Variants in UBN1 observed in about 807,000 individuals in gnomAD.
The protein encoded by UBN1 is ubinuclein 1.
A neutral mutation model predicts 108.5 loss-of-function variants in UBN1; 17 were observed. That is an observed-to-expected ratio of 0.16 (90% CI 0.11 to 0.24). The LOEUF is 0.24. Among genes scored for constraint, UBN1 ranks in the 10% least tolerant of loss-of-function variants. The pLI, the probability that UBN1 is intolerant of heterozygous loss-of-function variation, is 1.00. For synonymous variants in UBN1, 726 were observed against 564.2 expected (o/e 1.29, Z -4.07); for missense variants, 1,595 against 1,394.4 (o/e 1.14, Z -2.29).
chr16:4,874,879 T>A lies in UBN1; in HGVS notation c.2469T>A (p.Phe823Leu). 6.2e-7 allele frequency: 1 copy of A among 1,614,126 alleles called. No individual in the cohort carries two copies. Among genetic ancestry groups the A allele is most frequent in the Non-Finnish European group, 8.5e-7 (1 of 1,180,042 alleles). ...QQKNFTPPSP[F>L]ANKLQGPKAS... The stretch of plus-strand genomic sequence containing the variant: ...AAAACTTCACGCCCCCATCTCCATT[T>A]GCCAATAAGCTCCAAGGCCCAAAGG... Residue 823 changes from phenylalanine to leucine, a missense_variant, in exon 15 of 18, where the codon TTT becomes TTA. Transcript: ENST00000262376.
intron 12 of UBN1, 103 bp from the exon 13 acceptor site, chr16:4,872,781 A>G (rs1414475828): frequency 1.3e-5 from 18 of 1,371,506 alleles, no homozygotes; most frequent in Non-Finnish European, 1.5e-5. Flanking sequence ...TTGACATTTA[A>G]TGAGGGATAG....
chr16:4,881,774 G>T lies in UBN1; in HGVS notation c.*1642G>T, dbSNP rs185307085. On this transcript the variant is annotated 3_prime_UTR_variant, in exon 18 of 18. Transcript: ENST00000262376. ...ATATTTTTTGCAACTTGGATTTCCA[G>T]TTTGTTTACAGAGTAGTCTTAGGTA... The T allele has an allele frequency of 3.3e-3, 501 of 152,510 alleles. 6 individuals carry two copies. Among genetic ancestry groups the T allele is most frequent in the Non-Finnish European group, 4.2e-3 (283 of 68,014 alleles). The allele number at this position is 152,510 out of a possible 1,614,324, so 9.4% of individuals were successfully genotyped here.
At chr16:4,849,793 C>T (rs1371327019) in intron 1 of UBN1, among the ~76,000 whole-genome samples, 2 of 151,620 alleles carry the variant, frequency 1.3e-5, no homozygotes, top group African/African-American at 4.8e-5. Flanking sequence ...GATGAAGTCT[C>T]ATCATGTTGT....
Position 4,853,065 on chromosome 16 carries a change from A to G in UBN1, c.148A>G (p.Thr50Ala). The change falls in exon 2 of 18, where the codon ACC (threonine) becomes GCC (alanine). Residue 50 changes from threonine to alanine, a missense_variant. By Grantham distance (58) the Thr-to-Ala change is moderately conservative. Around this residue, in one of 3 missense-constraint regions of UBN1, gnomAD observed 181 missense variants for 157.3 expected, o/e 1.15. Transcript: ENST00000262376. ...TGCAGCAGCTGTTCGGATTACACTC[A>G]CCCTCTTTGAACCAGATCACAAACG... Reference protein sequence around the residue: ...PAAAAVRITLTLFEPDHKRCP... With the variant: ...PAAAAVRITLALFEPDHKRCP... 1 of 1,614,144 alleles carries G rather than the reference A, an allele frequency of 6.2e-7. No individual in the cohort carries two copies. The highest frequency in any genetic ancestry group is 8.5e-7 in the Non-Finnish European group (1 of 1,180,020).
intron 1 of UBN1, chr16:4,852,628 T>C: frequency 4.1e-6 from 1 of 245,184 alleles, no homozygotes; most frequent in East Asian, 9.6e-5. Context: ...TCAGCATGGG[T>C]TCTTTAAGGT....
At position 4,873,162 on chromosome 16, in the gene UBN1, T is replaced by C. The variant is rs2292202; in HGVS notation, c.1800+89T>C. 6.1e-4 allele frequency: 965 copies of C among 1,572,334 alleles called. 6 individuals are homozygous for C. The East Asian group carries it at 0.011, about 17-fold the overall frequency. ...ACAGTCAAGTGACTGTGGAAGCTCA[T>C]TGATCTTTGCTCGTCTGGGGACAGC... On this transcript the variant is annotated intron_variant, in intron 14 of 17. Coordinates refer to ENST00000262376, the MANE Select transcript of UBN1 (RefSeq NM_001079514.3).
chr16:4,877,904 A>C lies in UBN1; in HGVS notation c.3355+430A>C, dbSNP rs757546971. ...GCTCCACTGTCAGATGTGATTGCTT[A>C]ACAGAAGGCTCTCTAAACTTTGTTT... On this transcript the variant is annotated intron_variant, in intron 17 of 17. Transcript: ENST00000262376. The surrounding 1 kb of genome is among the most constrained non-coding windows in gnomAD (Gnocchi z 4.3). 1 of 894,400 alleles carries C rather than the reference A, an allele frequency of 1.1e-6. No homozygotes were observed. The highest frequency in any genetic ancestry group is 1.3e-6 in the Non-Finnish European group (1 of 746,412). 55.4% of individuals were successfully genotyped at this position (894,400 alleles called of 1,614,324 possible). A position where few individuals can be genotyped will look rare whatever the true frequency, so the allele number is the denominator to read the frequency against.
chr16:4,854,127 G>A (rs1299042281), intron 2 of UBN1, among the ~76,000 whole-genome samples: 9 of 150,858 alleles, frequency 6.0e-5, no homozygotes, highest in East Asian at 2.0e-4. Context: ...TCTGCCTCCC[G>A]GGTTCACGCC....
intron 8 of UBN1, 60 bp from the exon 9 acceptor site, chr16:4,870,152 C>T: frequency 6.2e-7 from 1 of 1,606,512 alleles, no homozygotes; most frequent in Non-Finnish European, 8.5e-7. Flanking sequence ...GTACGGTGAG[C>T]TGATGAAGAC....
At chr16:4,875,563 G>C in intron 15 of UBN1, 129 bp downstream of exon 15, 1 of 1,343,818 alleles carries the variant, frequency 7.4e-7, no homozygotes, top group Non-Finnish European at 1.0e-6. Context: ...GGGCTCAGAC[G>C]TAGGAAGGGA....
intron 7 of UBN1, among the ~76,000 whole-genome samples, chr16:4,867,656 A>G (rs551771518): frequency 6.6e-6 from 1 of 152,254 alleles, no homozygotes; most frequent in South Asian, 2.1e-4. Flanking sequence ...AGTGGGTTCT[A>G]GTGAGAATCC....
intron 15 of UBN1, 90 bp downstream of exon 15, chr16:4,875,524 T>G: frequency 6.9e-6 from 9 of 1,312,096 alleles, no homozygotes; most frequent in East Asian, 2.3e-5. Flanking sequence ...GAGAGTGAGA[T>G]CTAAAACCAC....
Position 4,859,111 on chromosome 16 carries a change from A to G in UBN1, c.519A>G (p.Ser173=), listed in dbSNP as rs754640059. 2.5e-6 allele frequency: 4 copies of G among 1,614,116 alleles called. No individual in the cohort carries two copies. The highest frequency in any genetic ancestry group is 3.4e-6 in the Non-Finnish European group (4 of 1,180,042). Residue 173 remains serine (S), a synonymous_variant, in exon 5 of 18, where the codon TCA becomes TCG. Coordinates refer to ENST00000262376, the MANE Select transcript of UBN1 (RefSeq NM_001079514.3). ...GAACCCTGCAGTTTAGACAAGCATC[A>G]GAGTCTGAAGATGACTTCATTAAAG... ...NSGTLQFRQA[S]ESEDDFIKEK... is the part of the protein sequence containing the mutation.
chr16:4,853,644 G>A (rs1477793578), intron 2 of UBN1, among the ~76,000 whole-genome samples: 3 of 148,032 alleles, frequency 2.0e-5, no homozygotes, highest in Admixed American at 6.9e-5. Flanking sequence ...TGTAACCTCC[G>A]CCTCCCGAGT....
chr16:4,868,943 G>C, intron 8 of UBN1, 40 bp downstream of exon 8: 1 of 1,604,456 alleles, frequency 6.2e-7, no homozygotes, highest in Non-Finnish European at 8.5e-7. Context: ...GTCTGTTTCT[G>C]CTATTACTGA....
At chr16:4,873,331 C>A (rs2087731036) in intron 14 of UBN1, among the ~76,000 whole-genome samples, 1 of 152,182 alleles carries the variant, frequency 6.6e-6, no homozygotes, top group Admixed American at 6.5e-5. Flanking sequence ...CTTGGCAGCC[C>A]TCTGAGGAGT....
At chr16:4,865,985 A>G (rs1344214780) in intron 7 of UBN1, among the ~76,000 whole-genome samples, 1 of 152,196 alleles carries the variant, frequency 6.6e-6, no homozygotes, top group Admixed American at 6.5e-5. Context: ...AAATAAAAAA[A>G]TAAAAAATAA....
At position 4,871,224 on chromosome 16, in the gene UBN1, G is replaced by A. The variant is rs2087616294; in HGVS notation, c.1629G>A (p.Gln543=). The A allele has an allele frequency of 1.9e-6, 3 of 1,614,278 alleles. No homozygotes were observed. Among genetic ancestry groups the A allele is most frequent in the Non-Finnish European group, 2.5e-6 (3 of 1,180,050 alleles). Residue 543 remains glutamine, a synonymous_variant, in exon 12 of 18, where the codon CAG becomes CAA. Transcript: ENST00000262376. ...ACCTGGAGAGGAACAACAAAGCCCA[G>A]GCTTGGGAGGACTGTGTGAAGGGCT... ...SQDLERNNKA[Q]AWEDCVKGFL...
intron 14 of UBN1, 86 bp from the exon 15 acceptor site, chr16:4,874,125 C>A: frequency 6.8e-7 from 1 of 1,467,408 alleles, no homozygotes; most frequent in Non-Finnish European, 9.0e-7. Context: ...TTTTTTGACT[C>A]GAGTTCACAT....
Sources: gnomAD v4.1 joint callset for allele counts (sites outside exome capture counted in the v4.1 genomes callset) on GRCh38, gnomAD v4.1.1 for gene constraint, gnomAD v4.1.1 regional missense constraint, Gnocchi (gnomAD v3.1) non-coding constraint, MANE v1.5 for transcripts, NCBI Gene and HGNC (gene_info 2026-07-23, HGNC 2026-07-21) for gene names.